TXNDC5: variants seen among roughly 807,000 people sequenced by gnomAD.
TXNDC5 encodes thioredoxin domain containing 5.
In TXNDC5, 44 loss-of-function variants were observed where a neutral mutation model predicts 52.6. That is an observed-to-expected ratio of 0.84 (90% confidence interval 0.66 to 1.08). The LOEUF (loss-of-function observed/expected upper bound fraction) is 1.08. TXNDC5 is among the 50% of genes least tolerant of loss of function. The pLI, the probability that TXNDC5 is intolerant of heterozygous loss-of-function variation, is 0.00. For missense variants in TXNDC5, 600 were observed against 565.5 expected, an observed-to-expected ratio of 1.06 and a Z score of -0.62; for synonymous variants, 241 against 234.4, an observed-to-expected ratio of 1.03 and a Z score of -0.26.
In TXNDC5 at chr6:7,891,708, C is replaced by A. The variant is rs145727157; in HGVS notation, c.645G>T (p.Pro215=). 6.2e-7 allele frequency: 1 copy of A among 1,613,800 alleles called. No homozygotes were observed. Among genetic ancestry groups the A allele is most frequent in the Non-Finnish European group, 8.5e-7 (1 of 1,179,812 alleles). The change falls in exon 5 of 10, where the codon CCG becomes CCT. Residue 215 remains proline (P), a synonymous_variant. Coordinates refer to ENST00000379757, the MANE Select transcript of TXNDC5 (RefSeq NM_030810.5). ...QGDHFIKFFA[P]WCGHCKALAP... ...CCAGGGCTTTGCAGTGACCACACCA[C>A]GGAGCGAAGAACTTGATAAAGTGGT... is the stretch of plus-strand genomic sequence containing the variant.
intron 8 of TXNDC5, among the ~76,000 whole-genome samples, chr6:7,885,164 A>G (rs569218822): frequency 3.3e-5 from 5 of 152,330 alleles, no homozygotes; most frequent in African/African-American, 1.2e-4. Context: ...GTGCTTATTA[A>G]CTTTTTACCC....
chr6:7,881,531 A>C lies in TXNDC5; in HGVS notation c.*1613T>G, dbSNP rs543997553. On this transcript the variant is annotated 3_prime_UTR_variant, in exon 10 of 10. Coordinates refer to ENST00000379757, the MANE Select transcript of TXNDC5 (RefSeq NM_030810.5). Reference sequence around the variant, plus strand: ...AAAGACCAGACTTTTAAAAAAAAAGAGTTTATTTAGAAAGTATCATAGTGT... The same window carrying C: ...AAAGACCAGACTTTTAAAAAAAAAGCGTTTATTTAGAAAGTATCATAGTGT... 3 of 144,640 alleles carry C rather than the reference A, an allele frequency of 2.1e-5. No homozygotes were observed. Among genetic ancestry groups the C allele is most frequent in the African/African-American group, 7.8e-5 (3 of 38,402 alleles). 9.0% of individuals were successfully genotyped at this position (144,640 alleles called of 1,614,324 possible). A position where few individuals can be genotyped will look rare whatever the true frequency, so the allele number is the denominator to read the frequency against.
At chr6:7,888,604 C>A in intron 7 of TXNDC5, 101 bp downstream of exon 7, 1 of 1,422,366 alleles carries the variant, frequency 7.0e-7, no homozygotes, top group South Asian at 1.4e-5. Flanking sequence ...CCCAAACTGT[C>A]ATTTTGTCCA....
rs1404526241 is a variant in TXNDC5, at chr6:7,881,551, T to C, written c.*1593A>G. 1 of 152,376 alleles carries C rather than the reference T, an allele frequency of 6.6e-6. No individual in the cohort carries two copies. Among genetic ancestry groups the C allele is most frequent in the Non-Finnish European group, 1.5e-5 (1 of 68,048 alleles). 9.4% of individuals were successfully genotyped at this position (152,376 alleles called of 1,614,324 possible). ...AAAAGAGTTTATTTAGAAAGTATCATAGTGTAAACAAACAAATTGTACCAC... is the reference window on the plus strand; with the variant it reads ...AAAAGAGTTTATTTAGAAAGTATCACAGTGTAAACAAACAAATTGTACCAC... On this transcript the variant is annotated 3_prime_UTR_variant, in exon 10 of 10. Transcript: ENST00000379757.
chr6:7,899,069 G>T (rs1377525198), intron 3 of TXNDC5, among the ~76,000 whole-genome samples: 1 of 152,176 alleles, frequency 6.6e-6, no homozygotes, highest in African/African-American at 2.4e-5. Context: ...AGGTCGGGGG[G>T]ATGGGAGGAG....
intron 1 of TXNDC5, chr6:7,910,104 T>C: frequency 1.0e-6 from 1 of 986,084 alleles, no homozygotes; most frequent in Non-Finnish European, 1.2e-6. Flanking sequence ...GGCGGGCTTT[T>C]CCCGGCTGTC....
At chr6:7,887,940 G>T (rs1760056767) in intron 7 of TXNDC5, among the ~76,000 whole-genome samples, 1 of 151,988 alleles carries the variant, frequency 6.6e-6, no homozygotes. Context: ...AGCTCCTTAG[G>T]GACACTTCTT....
chr6:7,899,710 G>C lies in TXNDC5; in HGVS notation c.414-29C>G. On this transcript the variant is annotated intron_variant, in intron 2 of 9. Coordinates refer to ENST00000379757, the MANE Select transcript of TXNDC5 (RefSeq NM_030810.5). ...AAAGAATAACAAAGGATTAGACAGA[G>C]CAAAAAGAAAGTTGTCTTATCAGAG... 2 of 1,582,942 alleles carry C rather than the reference G, an allele frequency of 1.3e-6. 1 individual carries two copies. Among genetic ancestry groups the C allele is most frequent in the African/African-American group, 2.7e-5 (2 of 73,822 alleles).
chr6:7,907,483 A>G (rs907158156), intron 1 of TXNDC5, among the ~76,000 whole-genome samples: 3 of 152,322 alleles, frequency 2.0e-5, no homozygotes, highest in Admixed American at 6.5e-5. Flanking sequence ...TTGTGACCTG[A>G]TGTTGGCAAA....
chr6:7,909,819 G>A (rs1760854590), intron 1 of TXNDC5: 22 of 986,090 alleles, frequency 2.2e-5, no homozygotes, highest in Non-Finnish European at 2.3e-5. Flanking sequence ...ACACCTTCCT[G>A]GGTTCTATTT....
intron 1 of TXNDC5, among the ~76,000 whole-genome samples, chr6:7,909,401 G>A (rs1270142776): frequency 2.0e-5 from 3 of 152,148 alleles, no homozygotes; most frequent in African/African-American, 7.2e-5. Context: ...CCCTTCCTCG[G>A]GGCATCCCGG....
At chr6:7,910,329 C>A (rs12202976) in intron 1 of TXNDC5, among the ~76,000 whole-genome samples, 185 bp downstream of exon 1, 31,583 of 149,690 alleles carry the variant, frequency 0.21, 3,739 homozygotes, top group South Asian at 0.29. Flanking sequence ...GCGCTCCCGG[C>A]CCCGCGCCCC....
rs1170248284 is a variant in TXNDC5, at chr6:7,904,707, G to A, written c.280C>T (p.Arg94Trp). 9.9e-6 allele frequency: 16 copies of A among 1,614,064 alleles called. No individual in the cohort carries two copies. The East Asian group carries it at 1.1e-4, about 11-fold the overall frequency. Residue 94 changes from arginine (R) to tryptophan (W), a missense_variant, in exon 2 of 10, where the codon CGG becomes TGG. Coordinates refer to ENST00000379757, the MANE Select transcript of TXNDC5 (RefSeq NM_030810.5). ...AGGTCATTCCAAGTCGGCTGCAGCC[G>A]CTGGCAGTGTCCACACCTGGAACAA... ...FFAPWCGHCQ[R>W]LQPTWNDLGD... is the part of the protein sequence containing the mutation.
At chr6:7,887,770 G>A (rs1760046275) in intron 7 of TXNDC5, among the ~76,000 whole-genome samples, 1 of 151,946 alleles carries the variant, frequency 6.6e-6, no homozygotes. Context: ...CACTCTCAGG[G>A]ATCCTACACC....
chr6:7,902,089 A>C (rs921040193), intron 2 of TXNDC5, among the ~76,000 whole-genome samples: 1 of 152,150 alleles, frequency 6.6e-6, no homozygotes, highest in Non-Finnish European at 1.5e-5. Context: ...ATGCATCTAC[A>C]AGCCAAGGAA....
chr6:7,904,833 C>G (rs1349441750), intron 1 of TXNDC5, 110 bp from the exon 2 acceptor site: 1 of 1,326,914 alleles, frequency 7.5e-7, no homozygotes, highest in East Asian at 2.4e-5. Context: ...TTTCTTTACA[C>G]CATTGCAGAT....
In TXNDC5 at chr6:7,906,545, AAAAAAAAAAAAAG is replaced by A. The variant is rs1260847605; in HGVS notation, c.264-1835_264-1823del. Among the ~76,000 whole-genome samples the A allele has an allele frequency of 1.7e-4, 26 of 150,110 alleles. 1 individual carries two copies. Among genetic ancestry groups the A allele is most frequent in the African/African-American group, 5.9e-4 (24 of 40,616 alleles). On this transcript the variant is annotated intron_variant, in intron 1 of 9. Transcript: ENST00000379757. ...AGCAAGACTCCATCTCAAAAAAAAA[AAAAAAAAAAAAAG>A]AAAAACAGACTTAAAGGTAGCACTG...
chr6:7,898,001 T>C (rs181208714), intron 3 of TXNDC5, among the ~76,000 whole-genome samples: 21 of 152,160 alleles, frequency 1.4e-4, no homozygotes, highest in Non-Finnish European at 2.9e-4. Flanking sequence ...TAAAGTTAGG[T>C]AAGTCTCTGG....
chr6:7,894,791 A>G (rs1220641181), intron 4 of TXNDC5: 2 of 985,350 alleles, frequency 2.0e-6, no homozygotes, highest in Non-Finnish European at 2.4e-6. Flanking sequence ...CCAAAGTGCA[A>G]TAAAGTAAAG....
Sources: gnomAD v4.1 joint callset for allele counts (sites outside exome capture counted in the v4.1 genomes callset) on GRCh38, gnomAD v4.1.1 for gene constraint, MANE v1.5 for transcripts, NCBI Gene and HGNC (gene_info 2026-07-23, HGNC 2026-07-21) for gene names.